SULF1: variants seen among roughly 807,000 people sequenced by gnomAD.
SULF1 encodes the protein extracellular sulfatase Sulf-1.
SULF1 carries 46 observed loss-of-function variants against 110.5 expected under a neutral mutation model. That is an observed-to-expected ratio of 0.42 (90% CI 0.33 to 0.53). The LOEUF is 0.53. Ranked by LOEUF, SULF1 falls within the 20% of genes least tolerant of loss-of-function variation. The pLI is 0.12. For synonymous variants in SULF1, 371 were observed against 387.1 expected, an observed-to-expected ratio of 0.96 and a Z score of 0.49; for missense variants, 941 against 1,094.2, an observed-to-expected ratio of 0.86 and a Z score of 1.98.
intron 22 of SULF1, among the ~76,000 whole-genome samples, chr8:69,645,793 G>A (rs1424186364): frequency 4.6e-5 from 7 of 152,064 alleles, no homozygotes; most frequent in Admixed American, 3.3e-4. Context: ...GGCAACCAGG[G>A]CCTATTTTAT....
chr8:69,620,314 A>T (rs1007273032), intron 13 of SULF1, among the ~76,000 whole-genome samples: 1 of 152,174 alleles, frequency 6.6e-6, no homozygotes, highest in African/African-American at 2.4e-5. Context: ...GATAGGTGGC[A>T]TGGCAGGCCA....
intron 3 of SULF1, among the ~76,000 whole-genome samples, chr8:69,505,458 C>T (rs1811121946): frequency 6.6e-6 from 1 of 152,078 alleles, no homozygotes; most frequent in Admixed American, 6.5e-5. Context: ...TTTTCCTAGC[C>T]TTGTTAATAC....
At chr8:69,536,095 G>A (rs1813414851) in intron 3 of SULF1, among the ~76,000 whole-genome samples, 1 of 151,830 alleles carries the variant, frequency 6.6e-6, no homozygotes, top group Non-Finnish European at 1.5e-5. Flanking sequence ...CACTTAGATA[G>A]TAGAAACTTC....
intron 9 of SULF1, among the ~76,000 whole-genome samples, chr8:69,601,421 A>C (rs942652335): frequency 6.6e-6 from 1 of 152,248 alleles, no homozygotes; most frequent in Non-Finnish European, 1.5e-5. Context: ...ACAAGCAAAC[A>C]AAAAGCCTAA....
At chr8:69,497,178 G>C (rs1810424330) in intron 2 of SULF1, among the ~76,000 whole-genome samples, 1 of 115,262 alleles carries the variant, frequency 8.7e-6, no homozygotes, top group Non-Finnish European at 1.8e-5. Flanking sequence ...TTTTTTTTGA[G>C]ACAGAGTCTT....
intron 3 of SULF1, among the ~76,000 whole-genome samples, chr8:69,542,041 A>G (rs1244139262): frequency 6.6e-6 from 1 of 152,156 alleles, no homozygotes. Flanking sequence ...ACCTGGAATT[A>G]TACATTTTCT....
chr8:69,485,257 G>A (rs536693375), intron 1 of SULF1, among the ~76,000 whole-genome samples: 13 of 152,174 alleles, frequency 8.5e-5, no homozygotes, highest in Non-Finnish European at 8.8e-5. Context: ...TTTACCTACC[G>A]CCCTTCCCAC....
At chr8:69,636,709 A>G (rs1322252493) in intron 19 of SULF1, among the ~76,000 whole-genome samples, 1 of 152,170 alleles carries the variant, frequency 6.6e-6, no homozygotes, top group Non-Finnish European at 1.5e-5. Flanking sequence ...AAAACTTCGT[A>G]GCCCAATTTG....
chr8:69,579,568 A>C lies in SULF1; in HGVS notation c.412+3359A>C, dbSNP rs551552927. Among the ~76,000 whole-genome samples the C allele has an allele frequency of 4.7e-3, 711 of 151,640 alleles. 3 individuals are homozygous for C. Among genetic ancestry groups the C allele is most frequent in the South Asian group, 8.9e-3 (43 of 4,806 alleles). On this transcript the variant is annotated intron_variant, in intron 6 of 22. Coordinates refer to ENST00000402687, the MANE Select transcript of SULF1 (RefSeq NM_001128205.2). ...TGTCACACACACACACACACACAAA[A>C]AAAAAAAAAAATGGGAAGACTGAAA...
intron 3 of SULF1, among the ~76,000 whole-genome samples, chr8:69,526,019 T>C (rs1294282257): frequency 6.6e-6 from 1 of 152,234 alleles, no homozygotes; most frequent in African/African-American, 2.4e-5. Flanking sequence ...AATTTGAGAA[T>C]ATAATATATT....
At chr8:69,520,514 G>A (rs554809566) in intron 3 of SULF1, among the ~76,000 whole-genome samples, 115 of 152,226 alleles carry the variant, frequency 7.6e-4, no homozygotes, top group Admixed American at 2.1e-3. Context: ...AAAAACTGGT[G>A]CATATGAAGA....
chr8:69,493,444 A>C (rs1030802382), intron 1 of SULF1, among the ~76,000 whole-genome samples: 2 of 129,484 alleles, frequency 1.5e-5, no homozygotes, highest in Admixed American at 8.0e-5. Context: ...CACACACACA[A>C]CACTACACAC....
chr8:69,633,065 A>G (rs2130637094), intron 19 of SULF1, among the ~76,000 whole-genome samples: 1 of 152,210 alleles, frequency 6.6e-6, no homozygotes, highest in Admixed American at 6.5e-5. Flanking sequence ...TACACAAAAT[A>G]GAAATGTAAA....
In SULF1 at chr8:69,620,940, A is replaced by G. The variant is rs187202921; in HGVS notation, c.1378-95A>G. ...CCTTAATGATATTGCCAGTGCTTCTAAAAAAAAGAAAAAAGAAAAAAACTA... is the reference window on the plus strand; with the variant it reads ...CCTTAATGATATTGCCAGTGCTTCTGAAAAAAAGAAAAAAGAAAAAAACTA... On this transcript the variant is annotated intron_variant, in intron 13 of 22. Transcript: ENST00000402687. 4.9e-3 allele frequency: 5,072 copies of G among 1,029,408 alleles called. 22 individuals carry two copies. The highest frequency in any genetic ancestry group is 7.0e-3 in the Middle Eastern group (32 of 4,580). 63.8% of individuals were successfully genotyped at this position (1,029,408 alleles called of 1,614,324 possible).
intron 13 of SULF1, among the ~76,000 whole-genome samples, chr8:69,611,213 G>A (rs1225171097): frequency 1.3e-5 from 2 of 152,196 alleles, no homozygotes. Flanking sequence ...AATGTATCAA[G>A]CATCTGGGAC....
intron 21 of SULF1, 148 bp from the exon 22 acceptor site, chr8:69,640,660 G>C (rs1811408705): frequency 2.1e-6 from 1 of 483,970 alleles, no homozygotes; most frequent in Non-Finnish European, 3.5e-6. Context: ...AACCTAATAG[G>C]AAATCTCTGT....
At chr8:69,517,096 C>G (rs1050288753) in intron 3 of SULF1, among the ~76,000 whole-genome samples, 3 of 152,060 alleles carry the variant, frequency 2.0e-5, no homozygotes, top group African/African-American at 7.2e-5. Flanking sequence ...CTGGGAAGTC[C>G]AAGAGCATGG....
intron 8 of SULF1, among the ~76,000 whole-genome samples, chr8:69,593,211 A>C (rs1464278831): frequency 6.6e-6 from 1 of 152,198 alleles, no homozygotes; most frequent in Non-Finnish European, 1.5e-5. Context: ...ACAGGTTCAG[A>C]GTTCAGTCTT....
At chr8:69,525,269 C>T (rs1455306433) in intron 3 of SULF1, among the ~76,000 whole-genome samples, 2 of 152,020 alleles carry the variant, frequency 1.3e-5, no homozygotes, top group African/African-American at 4.8e-5. Flanking sequence ...CTCACAGATG[C>T]CCAGAAATTG....
Sources: allele counts gnomAD v4.1 joint callset (sites outside exome capture counted in the v4.1 genomes callset), GRCh38; gene constraint gnomAD v4.1.1; transcripts MANE v1.5; gene names NCBI Gene and HGNC (gene_info 2026-07-23, HGNC 2026-07-21).